Variants in DMD observed in about 807,000 individuals in gnomAD.
The protein encoded by DMD is dystrophin.
In DMD, 63 loss-of-function variants were observed where a neutral mutation model predicts 330.1. The observed-to-expected ratio is 0.19, with a 90% confidence interval of 0.16 to 0.24. The LOEUF (loss-of-function observed/expected upper bound fraction) is 0.24, where lower values mean the gene tolerates loss of function less well. DMD is among the 10% of genes least tolerant of loss of function. The pLI, the probability that DMD is intolerant of heterozygous loss-of-function variation, is 1.00. For synonymous variants in DMD, 1,223 were observed against 959.8 expected (o/e 1.27, Z -5.07); for missense variants, 3,344 against 2,684.1 (o/e 1.25, Z -5.43).
At chrX:32,863,839 T>C (rs2082278154) in intron 2 of DMD, among the ~76,000 whole-genome samples, 1 of 112,277 alleles carries the variant, frequency 8.9e-6, no homozygotes, top group South Asian at 3.7e-4. Context: ...TCTTCCTAAT[T>C]ATTCCCATCC....
At chrX:32,067,065 C>CA (rs1189354777) in intron 44 of DMD, among the ~76,000 whole-genome samples, 1 of 111,663 alleles carries the variant, frequency 9.0e-6, no homozygotes, top group African/African-American at 3.2e-5. Context: ...TCAGTATTAA[C>CA]ATGCTCTTCT....
intron 1 of DMD, among the ~76,000 whole-genome samples, chrX:33,180,446 T>C (rs1476183935): frequency 9.0e-6 from 1 of 111,392 alleles, no homozygotes; most frequent in African/African-American, 3.3e-5. Flanking sequence ...CACACACACA[T>C]GCACACACAT....
intron 48 of DMD, among the ~76,000 whole-genome samples, chrX:31,852,915 G>A (rs1224627648): frequency 1.8e-5 from 2 of 112,079 alleles, no homozygotes; most frequent in African/African-American, 3.2e-5. Flanking sequence ...ACACAGTCTC[G>A]CTCTGTCGCC....
intron 60 of DMD, among the ~76,000 whole-genome samples, chrX:31,352,600 G>C (rs2058487515): frequency 1.8e-5 from 2 of 111,957 alleles, no homozygotes; most frequent in African/African-American, 6.5e-5. Context: ...GTAGTTTCCA[G>C]TGTACATTCA....
In DMD at chrX:32,568,673, A is replaced by G. The variant is rs752477554; in HGVS notation, c.1813-2792T>C. On this transcript the variant is annotated intron_variant, in intron 15 of 78. Coordinates refer to ENST00000357033, the MANE Select transcript of DMD (RefSeq NM_004006.3). Reference sequence around the variant, plus strand: ...TAGTAAATTTTAGATATGAGTATCAAAAATGATGATGGCAGATTAGTTGTT... The same window carrying G: ...TAGTAAATTTTAGATATGAGTATCAGAAATGATGATGGCAGATTAGTTGTT... Among the ~76,000 whole-genome samples the G allele has an allele frequency of 2.7e-5, 3 of 111,896 alleles. No homozygotes were observed. The East Asian group carries it at 8.4e-4, about 31-fold the overall frequency.
At chrX:31,348,495 CTGTT>C in intron 61 of DMD, 57 bp downstream of exon 61, 2 of 1,000,616 alleles carry the variant, frequency 2.0e-6, no homozygotes, top group Non-Finnish European at 2.8e-6. Context: ...GTTTTTTCAA[CTGTT>C]ATTCTTATTA....
chrX:32,599,089 G>T (rs776461242), intron 12 of DMD, among the ~76,000 whole-genome samples: 1 of 112,050 alleles, frequency 8.9e-6, no homozygotes, highest in African/African-American at 3.2e-5. Flanking sequence ...AGGTTAAACT[G>T]ACTTTTTTGA....
Position 32,364,576 on chromosome X carries a change from TG to T in DMD, c.5154+5del. ...TGGACATTACTTTTCATATTTTATTTGCTACCTTAAGCACGTCTTCTTTTTG... is the reference window on the plus strand; with the variant it reads ...TGGACATTACTTTTCATATTTTATTTCTACCTTAAGCACGTCTTCTTTTTG... On this transcript the variant is annotated splice_donor_5th_base_variant and intron_variant, in intron 36 of 78. Transcript: ENST00000357033. 1 of 1,210,651 alleles carries T rather than the reference TG, an allele frequency of 8.3e-7. No individual in the cohort carries two copies. The highest frequency in any genetic ancestry group is 1.8e-5 in the South Asian group (1 of 57,024).
rs138653860 is a variant in DMD, at chrX:32,489,501, C to G, written c.2622+1776G>C. 3.7e-3 allele frequency among the ~76,000 whole-genome samples: 413 copies of G among 111,074 alleles called. 2 individuals carry two copies. Among genetic ancestry groups the G allele is most frequent in the African/African-American group, 0.013 (389 of 30,585 alleles). Reference sequence around the variant, plus strand: ...GACAGAGTGAGAAGTTGGTTATCTGCAAGCCAGGAAGACAGCCTTCACCAG... The same window carrying G: ...GACAGAGTGAGAAGTTGGTTATCTGGAAGCCAGGAAGACAGCCTTCACCAG... On this transcript the variant is annotated intron_variant, in intron 20 of 78. Coordinates refer to ENST00000357033, the MANE Select transcript of DMD (RefSeq NM_004006.3).
At chrX:32,370,928 G>C (rs1319982805) in intron 34 of DMD, among the ~76,000 whole-genome samples, 8 of 110,960 alleles carry the variant, frequency 7.2e-5, no homozygotes, top group Non-Finnish European at 1.5e-4. Flanking sequence ...GAAATTCGCG[G>C]ATCTTGTATC....
rs759804853 is a variant in DMD at position 32,573,861 on chromosome X, A to G, written c.1603-15T>C. The G allele has an allele frequency of 3.4e-6, 4 of 1,169,344 alleles. No individual in the cohort carries two copies. The East Asian group carries it at 8.9e-5, about 26-fold the overall frequency. ...TCTCCCAATACCTGGAGAAGAGACAATCAAGCACAGCATCAGCAAACAATT... is the reference window on the plus strand; with the variant it reads ...TCTCCCAATACCTGGAGAAGAGACAGTCAAGCACAGCATCAGCAAACAATT... On this transcript the variant is annotated splice_polypyrimidine_tract_variant and intron_variant, in intron 13 of 78. Transcript: ENST00000357033.
At position 33,009,330 on chromosome X, in the gene DMD, G is replaced by GTA. The variant is rs1265919744; in HGVS notation, c.93+10807_93+10808dup. ...CACATGTGTGTATATGTGTATATGT[G>GTA]TATATACACGTGTATATACACATGT... On this transcript the variant is annotated intron_variant, in intron 2 of 78. Transcript: ENST00000357033. Among the ~76,000 whole-genome samples the GTA allele has an allele frequency of 2.1e-4, 8 of 37,249 alleles. 1 individual carries two copies. Among genetic ancestry groups the GTA allele is most frequent in the Admixed American group, 7.4e-4 (3 of 4,066 alleles). 32.3% of individuals were successfully genotyped at this position (37,249 alleles called of 115,157 possible).
At chrX:31,419,655 T>C (rs1028613409) in intron 60 of DMD, among the ~76,000 whole-genome samples, 1 of 112,063 alleles carries the variant, frequency 8.9e-6, no homozygotes, top group African/African-American at 3.2e-5. Context: ...AACAGCAGTA[T>C]AGGAAAAACT....
chrX:31,330,031 GCA>G (rs1375044097), intron 61 of DMD, among the ~76,000 whole-genome samples: 1 of 101,751 alleles, frequency 9.8e-6, no homozygotes, highest in Non-Finnish European at 2.0e-5. Flanking sequence ...TTCTTGCCAT[GCA>G]CAGACACACA....
chrX:31,551,954 A>C (rs2074510674), intron 55 of DMD, among the ~76,000 whole-genome samples: 1 of 112,388 alleles, frequency 8.9e-6, no homozygotes, highest in Non-Finnish European at 1.9e-5. Flanking sequence ...AATGGAAAAA[A>C]AAATCATTGG....
rs2095714717 is a variant in DMD at position 32,012,177 on chromosome X, G to C, written c.6439-43663C>G. ...GTCTCTTTCCCTTCTCTGTTTACTA[G>C]GAATATGGATCATAGACTTTACTTA... On this transcript the variant is annotated intron_variant, in intron 44 of 78. Transcript: ENST00000357033. Among the ~76,000 whole-genome samples the C allele has an allele frequency of 2.7e-5, 3 of 112,138 alleles. No individual in the cohort carries two copies. In the Admixed American group the frequency reaches 2.8e-4, roughly 11 times the overall value.
At chrX:31,638,026 A>C (rs776902510) in intron 54 of DMD, among the ~76,000 whole-genome samples, 133 of 111,879 alleles carry the variant, frequency 1.2e-3, no homozygotes, top group Non-Finnish European at 9.2e-4. Context: ...CATTGTATTT[A>C]GCTGTCAATG....
intron 9 of DMD, among the ~76,000 whole-genome samples, chrX:32,651,796 AATTTT>A (rs1164298493): frequency 8.9e-6 from 1 of 112,387 alleles, no homozygotes; most frequent in Non-Finnish European, 1.9e-5. Flanking sequence ...TTTAAAACAT[AATTTT>A]AACAGTTTTT....
intron 7 of DMD, among the ~76,000 whole-genome samples, chrX:32,711,518 G>A (rs183791734): frequency 3.4e-3 from 377 of 111,467 alleles, no homozygotes; most frequent in Non-Finnish European, 5.5e-3. Context: ...CCCATTGACG[G>A]TTTTGGCCCC....
Sources: allele counts gnomAD v4.1 joint callset (sites outside exome capture counted in the v4.1 genomes callset), GRCh38; gene constraint gnomAD v4.1.1; transcripts MANE v1.5; gene names NCBI Gene and HGNC (gene_info 2026-07-23, HGNC 2026-07-21).